CDKAL1: variants seen among roughly 807,000 people sequenced by gnomAD.
CDKAL1 encodes threonylcarbamoyladenosine tRNA methylthiotransferase.
Under a neutral mutation model 68.2 loss-of-function variants are expected in CDKAL1, and 32 were observed. The observed-to-expected ratio is 0.47, with a 90% CI of 0.35 to 0.63. CDKAL1 has a LOEUF of 0.63. Among genes scored for constraint, CDKAL1 ranks in the 30% least tolerant of loss-of-function variants. The pLI is 0.00. For synonymous variants in CDKAL1, 234 were observed against 244.3 expected (o/e 0.96, Z 0.39); for missense variants, 606 against 696.7 (o/e 0.87, Z 1.47).
At chr6:21,212,621 TTAAA>T (rs1252126388) in intron 15 of CDKAL1, among the ~76,000 whole-genome samples, 1 of 152,212 alleles carries the variant, frequency 6.6e-6, no homozygotes, top group African/African-American at 2.4e-5. Flanking sequence ...AACATTATTT[TTAAA>T]TAAATAAAAT....
chr6:21,229,816 T>C (rs963679977), intron 15 of CDKAL1, among the ~76,000 whole-genome samples: 4 of 152,152 alleles, frequency 2.6e-5, no homozygotes, highest in Admixed American at 6.5e-5. Flanking sequence ...ATATCATCAA[T>C]TGTGCTTCGA....
chr6:20,847,496 A>G (rs567745534), intron 9 of CDKAL1, among the ~76,000 whole-genome samples: 4 of 152,374 alleles, frequency 2.6e-5, no homozygotes, highest in Admixed American at 2.0e-4. Flanking sequence ...CTTAGAAGGC[A>G]TGAAATTAGT....
chr6:20,569,594 A>G (rs933197479), intron 4 of CDKAL1, among the ~76,000 whole-genome samples: 1 of 152,186 alleles, frequency 6.6e-6, no homozygotes, highest in African/African-American at 2.4e-5. Context: ...CATAATGCTT[A>G]ATTCAGGTGC....
chr6:20,627,464 G>C (rs1767482835), intron 4 of CDKAL1, among the ~76,000 whole-genome samples: 1 of 152,024 alleles, frequency 6.6e-6, no homozygotes, highest in South Asian at 2.1e-4. Context: ...GGTTTCCCTT[G>C]GTCACATCTG....
In CDKAL1 at chr6:21,228,597, ACT is replaced by A. The variant is rs535454504; in HGVS notation, c.1549-2247_1549-2246del. ...GGTTGCTCATCTCATTGGAATACAC[ACT>A]CTCATATTATTCACTCGATCAGTCA... On this transcript the variant is annotated intron_variant, in intron 15 of 15. Coordinates refer to ENST00000274695, the MANE Select transcript of CDKAL1 (RefSeq NM_017774.3). Among the ~76,000 whole-genome samples the A allele has an allele frequency of 9.2e-5, 14 of 152,084 alleles. 1 individual carries two copies. The South Asian group carries it at 2.9e-3, about 32-fold the overall frequency.
intron 11 of CDKAL1, among the ~76,000 whole-genome samples, chr6:21,032,990 A>G (rs1360854897): frequency 6.6e-6 from 1 of 152,202 alleles, no homozygotes; most frequent in African/African-American, 2.4e-5. Context: ...ATTTGGCTAG[A>G]TAGGAGAGAA....
intron 9 of CDKAL1, among the ~76,000 whole-genome samples, chr6:20,857,504 T>G (rs1365023635): frequency 1.3e-5 from 2 of 152,238 alleles, no homozygotes; most frequent in Non-Finnish European, 2.9e-5. Flanking sequence ...GAATAACCTC[T>G]GGAGCTGGCA....
intron 10 of CDKAL1, among the ~76,000 whole-genome samples, chr6:20,963,664 G>T (rs1441501558): frequency 1.3e-5 from 2 of 152,088 alleles, no homozygotes; most frequent in Non-Finnish European, 1.5e-5. Context: ...TATTTTCTGG[G>T]TAAATGTTTC....
intron 9 of CDKAL1, among the ~76,000 whole-genome samples, chr6:20,948,222 G>T (rs1170656461): frequency 3.3e-5 from 5 of 151,786 alleles, no homozygotes; most frequent in African/African-American, 1.2e-4. Context: ...TTGCTCTGTT[G>T]CCCAGGCTGG....
At chr6:20,768,594 C>T (rs946074041) in intron 7 of CDKAL1, among the ~76,000 whole-genome samples, 1 of 151,886 alleles carries the variant, frequency 6.6e-6, no homozygotes, top group African/African-American at 2.4e-5. Context: ...TGAGTAATGC[C>T]CAGTTCTTGG....
chr6:20,936,300 G>C (rs1227203466), intron 9 of CDKAL1, among the ~76,000 whole-genome samples: 1 of 134,428 alleles, frequency 7.4e-6, no homozygotes, highest in African/African-American at 2.8e-5. Flanking sequence ...GCCCAGGCTG[G>C]AGTGCAGTGG....
At chr6:21,030,336 T>C (rs1582061134) in intron 11 of CDKAL1, among the ~76,000 whole-genome samples, 2 of 151,810 alleles carry the variant, frequency 1.3e-5, no homozygotes, top group African/African-American at 4.8e-5. Flanking sequence ...GTAGTGGAGG[T>C]AGTGAGCGGA....
At chr6:20,728,080 T>C (rs1772735429) in intron 5 of CDKAL1, among the ~76,000 whole-genome samples, 1 of 152,200 alleles carries the variant, frequency 6.6e-6, no homozygotes, top group Non-Finnish European at 1.5e-5. Flanking sequence ...CTTCATAAAA[T>C]GTCTAGTGGC....
At chr6:20,573,184 T>C (rs1046613089) in intron 4 of CDKAL1, among the ~76,000 whole-genome samples, 4 of 152,190 alleles carry the variant, frequency 2.6e-5, no homozygotes, top group Non-Finnish European at 5.9e-5. Context: ...AGATCTGTTT[T>C]TTCAGATTGG....
intron 4 of CDKAL1, among the ~76,000 whole-genome samples, chr6:20,589,822 T>G (rs1363369424): frequency 6.6e-6 from 1 of 152,158 alleles, no homozygotes; most frequent in Non-Finnish European, 1.5e-5. Flanking sequence ...TTTCACAGAG[T>G]TATACACTGA....
intron 5 of CDKAL1, among the ~76,000 whole-genome samples, chr6:20,716,025 C>T (rs539155549): frequency 1.3e-5 from 2 of 152,226 alleles, no homozygotes; most frequent in East Asian, 1.9e-4. Flanking sequence ...AGTGCGTGCT[C>T]ATGGGATATG....
intron 4 of CDKAL1, among the ~76,000 whole-genome samples, chr6:20,585,273 C>T (rs1765303088): frequency 1.3e-5 from 2 of 151,996 alleles, no homozygotes; most frequent in African/African-American, 4.8e-5. Flanking sequence ...AGGATGGTCT[C>T]GATCTCCTGA....
intron 8 of CDKAL1, among the ~76,000 whole-genome samples, chr6:20,813,715 T>C (rs1383501962): frequency 6.6e-6 from 1 of 152,174 alleles, no homozygotes; most frequent in African/African-American, 2.4e-5. Flanking sequence ...CCTTTCCCTT[T>C]GTCTTGGAAC....
chr6:21,175,276 T>C (rs1242683398), intron 13 of CDKAL1, among the ~76,000 whole-genome samples: 1 of 152,246 alleles, frequency 6.6e-6, no homozygotes, highest in African/African-American at 2.4e-5. Flanking sequence ...TTTGGGCAGC[T>C]TTGGCTTACA....
Sources: allele counts gnomAD v4.1 joint callset (sites outside exome capture counted in the v4.1 genomes callset), GRCh38; gene constraint gnomAD v4.1.1; transcripts MANE v1.5; gene names NCBI Gene and HGNC (gene_info 2026-07-23, HGNC 2026-07-21).